Variants in DTNA observed in about 807,000 individuals in gnomAD.
The protein encoded by DTNA is dystrophin-related protein 3.
In DTNA, 43 loss-of-function variants were observed where a neutral mutation model predicts 100.7. The observed-to-expected ratio is 0.43, with a 90% CI of 0.33 to 0.55. DTNA has a LOEUF of 0.55. Ranked by LOEUF, DTNA falls within the 20% of genes least tolerant of loss-of-function variation. The pLI, the probability that DTNA is intolerant of heterozygous loss-of-function variation, is 0.04. For missense variants in DTNA, 798 were observed against 953.9 expected (o/e 0.84, Z 2.15); for synonymous variants, 349 against 347.9 (o/e 1.00, Z -0.04).
chr18:34,857,440 A>G (rs528211144), intron 15 of DTNA, among the ~76,000 whole-genome samples: 1 of 152,344 alleles, frequency 6.6e-6, no homozygotes, highest in Non-Finnish European at 1.5e-5. Context: ...TCCCAAGAAT[A>G]CATGACTTAT....
At chr18:34,571,762 C>T (rs1207242744) in intron 1 of DTNA, among the ~76,000 whole-genome samples, 1 of 152,138 alleles carries the variant, frequency 6.6e-6, no homozygotes, top group African/African-American at 2.4e-5. Flanking sequence ...CAGGGCCGTT[C>T]TGCCATTGTA....
Position 34,881,166 on chromosome 18 carries a change from G to T in DTNA, c.2163-903G>T, listed in dbSNP as rs183984725. Among the ~76,000 whole-genome samples the T allele has an allele frequency of 2.6e-4, 40 of 152,232 alleles. 1 individual carries two copies. In the South Asian group the frequency reaches 2.7e-3, roughly 10 times the overall value. On this transcript the variant is annotated intron_variant, in intron 20 of 22. Coordinates refer to ENST00000444659, the MANE Select transcript of DTNA (RefSeq NM_001386795.1). ...ACATGTTGTACAGCTATAAATAAAC[G>T]CAAACAACGACATTTAAGTTCCAAC...
At chr18:34,834,586 C>T (rs544895535) in intron 11 of DTNA, among the ~76,000 whole-genome samples, 1 of 152,162 alleles carries the variant, frequency 6.6e-6, no homozygotes, top group African/African-American at 2.4e-5. Context: ...TCTGGTGAGA[C>T]TTCAGGCTGC....
intron 1 of DTNA, among the ~76,000 whole-genome samples, chr18:34,555,684 T>C (rs371697795): frequency 6.6e-6 from 1 of 152,134 alleles, no homozygotes; most frequent in African/African-American, 2.4e-5. Context: ...AGTTGAGCGG[T>C]TTTGAGTGAG....
chr18:34,775,682 A>G (rs1408921363), intron 3 of DTNA, among the ~76,000 whole-genome samples: 1 of 152,238 alleles, frequency 6.6e-6, no homozygotes, highest in East Asian at 1.9e-4. Context: ...TAGGGACCTC[A>G]GTCCTATGGT....
intron 1 of DTNA, among the ~76,000 whole-genome samples, chr18:34,509,075 T>C (rs2040780464): frequency 1.3e-5 from 2 of 152,100 alleles, no homozygotes; most frequent in Admixed American, 1.3e-4. Context: ...CTCATTTTGC[T>C]TGGGCGTTTA....
At chr18:34,605,283 G>A (rs1250808333) in intron 1 of DTNA, among the ~76,000 whole-genome samples, 3 of 151,950 alleles carry the variant, frequency 2.0e-5, no homozygotes, top group East Asian at 1.9e-4. Context: ...TTCTATATTT[G>A]TAAAAAAACA....
chr18:34,737,492 C>T (rs1158413659), intron 1 of DTNA, among the ~76,000 whole-genome samples: 1 of 152,170 alleles, frequency 6.6e-6, no homozygotes, highest in Non-Finnish European at 1.5e-5. Context: ...TTAGCTCCAG[C>T]TGAATCATCT....
intron 1 of DTNA, among the ~76,000 whole-genome samples, chr18:34,594,874 T>C (rs2147003522): frequency 6.6e-6 from 1 of 152,278 alleles, no homozygotes; most frequent in South Asian, 2.1e-4. Context: ...GCGCCCCCGT[T>C]TTCTTGTCAA....
chr18:34,621,452 A>G (rs916978943), intron 1 of DTNA, among the ~76,000 whole-genome samples: 3 of 152,144 alleles, frequency 2.0e-5, no homozygotes, highest in African/African-American at 2.4e-5. Context: ...GGATGGATGA[A>G]TGGATAAATG....
chr18:34,505,128 C>G (rs116476614), intron 1 of DTNA, among the ~76,000 whole-genome samples: 6 of 152,178 alleles, frequency 3.9e-5, no homozygotes, highest in Non-Finnish European at 5.9e-5. Context: ...AAGGTGTTAG[C>G]AAGGCTGCTT....
intron 1 of DTNA, among the ~76,000 whole-genome samples, chr18:34,649,828 A>G (rs1430867429): frequency 6.6e-6 from 1 of 152,062 alleles, no homozygotes; most frequent in Non-Finnish European, 1.5e-5. Flanking sequence ...TTCCTGTCAC[A>G]TAGCCACCTC....
At chr18:34,559,546 G>C (rs946773472) in intron 1 of DTNA, among the ~76,000 whole-genome samples, 4 of 152,328 alleles carry the variant, frequency 2.6e-5, no homozygotes, top group African/African-American at 7.2e-5. Flanking sequence ...TGCTGTTCTG[G>C]ACAGGAAATT....
intron 3 of DTNA, among the ~76,000 whole-genome samples, chr18:34,787,732 C>T (rs2148919504): frequency 6.6e-6 from 1 of 152,200 alleles, no homozygotes; most frequent in African/African-American, 2.4e-5. Flanking sequence ...TCTCCTTTAC[C>T]CATCTGCAAC....
chr18:34,761,309 T>C (rs1341181907), intron 2 of DTNA, among the ~76,000 whole-genome samples: 2 of 152,210 alleles, frequency 1.3e-5, no homozygotes. Context: ...TTAATAGAGC[T>C]ATCAAAAATG....
chr18:34,626,537 C>A (rs1168583370), intron 1 of DTNA, among the ~76,000 whole-genome samples: 1 of 152,156 alleles, frequency 6.6e-6, no homozygotes, highest in East Asian at 1.9e-4. Flanking sequence ...GAGTTACAAA[C>A]TGGTCATTAC....
chr18:34,551,299 A>C (rs1159936296), intron 1 of DTNA, among the ~76,000 whole-genome samples: 1 of 152,128 alleles, frequency 6.6e-6, no homozygotes, highest in African/African-American at 2.4e-5. Context: ...AAAACAAGTC[A>C]AGTGGTTCTG....
chr18:34,860,220 G>GTATT lies in DTNA; in HGVS notation c.1646+1823_1646+1824insATTT, dbSNP rs749839630. On this transcript the variant is annotated intron_variant, in intron 16 of 22. Transcript: ENST00000444659. ...TGCCACCACGCCCGGCTAATTTTTT[G>GTATT]TTTTTTTTTTTTTTTTTTTTTTTTT... Among the ~76,000 whole-genome samples, 176 of 80,278 alleles carry GTATT rather than the reference G, an allele frequency of 2.2e-3. 8 individuals carry two copies. The highest frequency in any genetic ancestry group is 8.1e-3 in the Middle Eastern group (1 of 124). 52.7% of individuals were successfully genotyped at this position (80,278 alleles called of 152,430 possible). A position where few individuals can be genotyped will look rare whatever the true frequency, so the allele number is the denominator to read the frequency against.
intron 1 of DTNA, among the ~76,000 whole-genome samples, chr18:34,669,536 A>G (rs1823250334): frequency 1.3e-5 from 2 of 152,092 alleles, no homozygotes; most frequent in African/African-American, 4.8e-5. Context: ...GGTCTTTACA[A>G]TTTGTCATGT....
Sources: allele counts gnomAD v4.1 joint callset (sites outside exome capture counted in the v4.1 genomes callset), GRCh38; gene constraint gnomAD v4.1.1; transcripts MANE v1.5; gene names NCBI Gene and HGNC (gene_info 2026-07-23, HGNC 2026-07-21).